The following AGBL1 variants were observed in gnomAD, a reference collection of about 807,000 sequenced individuals.
The protein encoded by AGBL1 is cytosolic carboxypeptidase 4.
In AGBL1, 130 loss-of-function variants were observed where a neutral mutation model predicts 118.9. The ratio of observed to expected loss-of-function variants is 1.09; its 90% confidence interval spans 0.95 to 1.26. The LOEUF is 1.26. Ranked by LOEUF, AGBL1 falls within the 50% of genes most tolerant of loss-of-function variation. The pLI is 0.00. For missense variants in AGBL1, 1,584 were observed against 1,298.1 expected (o/e 1.22, Z -3.38); for synonymous variants, 555 against 478.9 (o/e 1.16, Z -2.08).
chr15:86,170,502 G>A (rs913613528), intron 5 of AGBL1, among the ~76,000 whole-genome samples: 1 of 152,024 alleles, frequency 6.6e-6, no homozygotes, highest in African/African-American at 2.4e-5. Flanking sequence ...AGGAAACCAT[G>A]TGCATAAGAA....
intron 6 of AGBL1, among the ~76,000 whole-genome samples, chr15:86,241,047 T>G (rs930203351): frequency 6.6e-6 from 1 of 152,120 alleles, no homozygotes; most frequent in Non-Finnish European, 1.5e-5. Flanking sequence ...GGACATGGCC[T>G]TTTATGGCAC....
chr15:86,210,534 A>G (rs1384165215), intron 5 of AGBL1, among the ~76,000 whole-genome samples: 2 of 151,968 alleles, frequency 1.3e-5, no homozygotes, highest in East Asian at 3.9e-4. Flanking sequence ...TTTTTCTCTA[A>G]ACTTCTCCTC....
intron 24 of AGBL1, among the ~76,000 whole-genome samples, chr15:87,013,049 AGT>A (rs2081576755): frequency 1.3e-5 from 2 of 152,174 alleles, no homozygotes; most frequent in Admixed American, 6.5e-5. Context: ...AATACTGTTA[AGT>A]ATTTTCTTGT....
intron 22 of AGBL1, among the ~76,000 whole-genome samples, chr15:86,896,172 T>A (rs2080123170): frequency 1.3e-5 from 2 of 152,134 alleles, no homozygotes; most frequent in South Asian, 4.1e-4. Flanking sequence ...CGAGAACTTA[T>A]TCTAATTTAT....
chr15:86,117,223 C>T (rs1011581148), intron 1 of AGBL1, among the ~76,000 whole-genome samples: 6 of 152,202 alleles, frequency 3.9e-5, no homozygotes, highest in Admixed American at 1.3e-4. Context: ...GAGAACACCC[C>T]GGGCTCTGGG....
At chr15:86,772,798 T>C (rs902055050) in intron 22 of AGBL1, among the ~76,000 whole-genome samples, 3 of 152,054 alleles carry the variant, frequency 2.0e-5, no homozygotes, top group African/African-American at 7.2e-5. Context: ...TACAATAAGC[T>C]GAGAACAGAG....
chr15:86,111,331 G>A (rs542862238), intron 1 of AGBL1, among the ~76,000 whole-genome samples: 34 of 152,304 alleles, frequency 2.2e-4, no homozygotes, highest in African/African-American at 7.9e-4. Context: ...GGAAGTCCTG[G>A]GAATAGCCAA....
intron 5 of AGBL1, among the ~76,000 whole-genome samples, chr15:86,213,396 G>A (rs1419369454): frequency 6.6e-6 from 1 of 152,200 alleles, no homozygotes; most frequent in Non-Finnish European, 1.5e-5. Context: ...TCACAAGTGA[G>A]ATTCCTAGAC....
In AGBL1 at chr15:86,785,374, T is replaced by TTG. The variant is rs1555449851; in HGVS notation, c.3158+110939_3158+110940insGT. ...ATCTGCGGGTTCTTTTTTTTTTTTT[T>TTG]TTTTGTTTTTGTTTTTTTGAGATGG... On this transcript the variant is annotated intron_variant, in intron 22 of 22. Coordinates refer to ENST00000614907, the MANE Select transcript of AGBL1 (RefSeq NM_001386094.1). 4.3e-5 allele frequency among the ~76,000 whole-genome samples: 6 copies of TTG among 139,872 alleles called. No individual in the cohort carries two copies. The South Asian group carries it at 1.3e-3, about 29-fold the overall frequency. 91.8% of individuals were successfully genotyped at this position (139,872 alleles called of 152,430 possible).
chr15:86,554,859 T>C (rs982287041), intron 21 of AGBL1, among the ~76,000 whole-genome samples: 1 of 152,154 alleles, frequency 6.6e-6, no homozygotes, highest in African/African-American at 2.4e-5. Flanking sequence ...GTTATATGCA[T>C]AAAATTCTTG....
chr15:87,025,312 C>G (rs1215024699), intron 24 of AGBL1, among the ~76,000 whole-genome samples: 3 of 151,974 alleles, frequency 2.0e-5, no homozygotes. Context: ...GTACACAAAT[C>G]AGTAGCTCTT....
intron 18 of AGBL1, among the ~76,000 whole-genome samples, chr15:86,459,845 G>C (rs898519841): frequency 6.6e-6 from 1 of 152,010 alleles, no homozygotes; most frequent in African/African-American, 2.4e-5. Flanking sequence ...TTGCCCAACG[G>C]GTACAGCTAC....
At chr15:86,701,531 A>G (rs1254153824) in intron 22 of AGBL1, among the ~76,000 whole-genome samples, 1 of 152,102 alleles carries the variant, frequency 6.6e-6, no homozygotes, top group African/African-American at 2.4e-5. Context: ...AGAGGCTTAT[A>G]CTCAAAGGTT....
chr15:86,573,472 G>C (rs925783044), intron 21 of AGBL1, among the ~76,000 whole-genome samples: 4 of 152,232 alleles, frequency 2.6e-5, no homozygotes, highest in African/African-American at 9.6e-5. Flanking sequence ...GTGTATGTGT[G>C]TGTGTATGAA....
At chr15:86,562,976 G>A (rs907099087) in intron 21 of AGBL1, among the ~76,000 whole-genome samples, 6 of 152,074 alleles carry the variant, frequency 3.9e-5, no homozygotes, top group South Asian at 2.1e-4. Context: ...ATTTCTGTGG[G>A]ATCGGTGGTG....
intron 5 of AGBL1, among the ~76,000 whole-genome samples, chr15:86,214,999 T>A (rs1173772643): frequency 6.6e-6 from 1 of 152,186 alleles, no homozygotes; most frequent in Non-Finnish European, 1.5e-5. Flanking sequence ...AGGTTCTTTG[T>A]TTCCAAAGAA....
chr15:86,797,847 G>T (rs2078594983), intron 22 of AGBL1, among the ~76,000 whole-genome samples: 1 of 152,196 alleles, frequency 6.6e-6, no homozygotes, highest in African/African-American at 2.4e-5. Flanking sequence ...AATAAGATCA[G>T]AAGTTTGATA....
At chr15:86,411,312 C>T (rs2081616417) in intron 18 of AGBL1, among the ~76,000 whole-genome samples, 1 of 151,998 alleles carries the variant, frequency 6.6e-6, no homozygotes, top group Non-Finnish European at 1.5e-5. Flanking sequence ...ATCACAGAAG[C>T]CCAGTTTCCT....
intron 19 of AGBL1, among the ~76,000 whole-genome samples, chr15:86,541,611 AAAAAAAGAGAG>A (rs1438169637): frequency 1.3e-5 from 2 of 149,786 alleles, no homozygotes; most frequent in Non-Finnish European, 3.0e-5. Flanking sequence ...AAAAAAAAAA[AAAAAAAGAGAG>A]AGAGAGAGAG....
Sources: allele counts gnomAD v4.1 joint callset (sites outside exome capture counted in the v4.1 genomes callset), GRCh38; gene constraint gnomAD v4.1.1; transcripts MANE v1.5; gene names NCBI Gene and HGNC (gene_info 2026-07-23, HGNC 2026-07-21).